KANK1: variants seen among roughly 807,000 people sequenced by gnomAD.
KANK1 encodes the protein KN motif and ankyrin repeat domains 1, also known as KN motif and ankyrin repeat domain-containing protein 1.
Under a neutral mutation model 106.2 loss-of-function variants are expected in KANK1, and 109 were observed. The observed-to-expected ratio is 1.03, with a 90% CI of 0.88 to 1.20. The LOEUF (loss-of-function observed/expected upper bound fraction) is 1.20, where lower values mean the gene tolerates loss of function less well. Ranked by LOEUF, KANK1 falls within the 50% of genes most tolerant of loss-of-function variation. KANK1 has a pLI of 0.00. For synonymous variants in KANK1, 873 were observed against 652.2 expected (o/e 1.34, Z -5.16); for missense variants, 2,399 against 1,710.7 (o/e 1.40, Z -7.10).
intron 1 of KANK1, among the ~76,000 whole-genome samples, chr9:650,270 C>T (rs1840593787): frequency 6.6e-6 from 1 of 151,858 alleles, no homozygotes; most frequent in Non-Finnish European, 1.5e-5. Context: ...CTTATTAGAG[C>T]CAAAGAATGT....
At chr9:548,860 C>T (rs1365428527) in intron 1 of KANK1, among the ~76,000 whole-genome samples, 1 of 152,118 alleles carries the variant, frequency 6.6e-6, no homozygotes, top group Non-Finnish European at 1.5e-5. Flanking sequence ...GGGAGGATTG[C>T]TTGAGTCCAG....
intron 1 of KANK1, among the ~76,000 whole-genome samples, chr9:577,574 A>G (rs1037012505): frequency 6.6e-6 from 1 of 152,210 alleles, no homozygotes; most frequent in African/African-American, 2.4e-5. Flanking sequence ...ACCTCTCAGT[A>G]TCATCTCCCA....
At chr9:671,757 G>A (rs1031810078) in intron 1 of KANK1, among the ~76,000 whole-genome samples, 1 of 151,948 alleles carries the variant, frequency 6.6e-6, no homozygotes, top group Non-Finnish European at 1.5e-5. Context: ...ATACCAGCCT[G>A]GCCAACATGG....
At chr9:597,933 G>C (rs1427452894) in intron 1 of KANK1, among the ~76,000 whole-genome samples, 1 of 151,690 alleles carries the variant, frequency 6.6e-6, no homozygotes, top group Non-Finnish European at 1.5e-5. Flanking sequence ...CCAAAATGCT[G>C]GGATTACAGG....
Position 605,814 on chromosome 9 carries a change from C to A in KANK1, c.-83-71076C>A, listed in dbSNP as rs192911406. Among the ~76,000 whole-genome samples, 18 of 151,728 alleles carry A rather than the reference C, an allele frequency of 1.2e-4. 1 individual carries two copies. Among genetic ancestry groups the A allele is most frequent in the Admixed American group, 9.8e-4 (15 of 15,278 alleles). On this transcript the variant is annotated intron_variant, in intron 1 of 11. Transcript: ENST00000382297. ...GGATTATGGGGAAATGAACAGAGAG[C>A]CACTGTGCCCAGATTTTATTATGGG... is the stretch of plus-strand genomic sequence containing the variant.
chr9:559,122 G>A (rs939253417), intron 1 of KANK1, among the ~76,000 whole-genome samples: 2 of 151,962 alleles, frequency 1.3e-5, no homozygotes, highest in African/African-American at 2.4e-5. Context: ...AGCCTTTTTG[G>A]GGGAGCTTGA....
At chr9:658,838 A>C (rs1842703098) in intron 1 of KANK1, among the ~76,000 whole-genome samples, 1 of 152,044 alleles carries the variant, frequency 6.6e-6, no homozygotes, top group Non-Finnish European at 1.5e-5. Flanking sequence ...TGTTCCTGGG[A>C]CCATTTTTAC....
intron 1 of KANK1, among the ~76,000 whole-genome samples, chr9:595,554 C>G (rs1826006555): frequency 1.3e-5 from 2 of 151,882 alleles, no homozygotes; most frequent in South Asian, 4.1e-4. Flanking sequence ...GAGACAGTGT[C>G]TCACTCTGTT....
At chr9:727,679 CATGTGT>C (rs1271023452) in intron 3 of KANK1, among the ~76,000 whole-genome samples, 20 of 121,836 alleles carry the variant, frequency 1.6e-4, no homozygotes, top group African/African-American at 3.9e-4. Context: ...GATAACTTTT[CATGTGT>C]GTGTGTGTGT....
intron 3 of KANK1, among the ~76,000 whole-genome samples, chr9:722,073 C>CAAGGAGTCCTCCAAGCTG (rs1564078522): frequency 1.3e-5 from 2 of 152,212 alleles, no homozygotes; most frequent in Non-Finnish European, 2.9e-5. Flanking sequence ...CTCCGTCTTA[C>CAAGGAGTCCTCCAAGCTG]TTCTGACCTC....
intron 1 of KANK1, among the ~76,000 whole-genome samples, chr9:614,965 T>C (rs1221229293): frequency 1.3e-5 from 2 of 151,966 alleles, no homozygotes; most frequent in Middle Eastern, 3.4e-3. Flanking sequence ...CCCCTGCCCT[T>C]TTTTTGAGAC....
chr9:680,687 C>T (rs1795416560), intron 2 of KANK1, among the ~76,000 whole-genome samples: 1 of 152,116 alleles, frequency 6.6e-6, no homozygotes, highest in South Asian at 2.1e-4. Context: ...CTCCTGTGTA[C>T]ACGGTTGCCA....
intron 1 of KANK1, among the ~76,000 whole-genome samples, chr9:526,686 C>T (rs2133371776): frequency 6.6e-6 from 1 of 151,956 alleles, no homozygotes; most frequent in African/African-American, 2.4e-5. Flanking sequence ...CTGCTTTTCC[C>T]ACCTGATTCC....
intron 3 of KANK1, among the ~76,000 whole-genome samples, chr9:723,593 C>T (rs557529191): frequency 6.6e-6 from 1 of 151,890 alleles, no homozygotes; most frequent in African/African-American, 2.4e-5. Context: ...TTCCATTGCA[C>T]TCTAGCCTGG....
chr9:582,930 C>G (rs1211866958), intron 1 of KANK1, among the ~76,000 whole-genome samples: 3 of 152,216 alleles, frequency 2.0e-5, no homozygotes, highest in African/African-American at 7.2e-5. Context: ...AAGTATCTGT[C>G]ATCAGATTAA....
At chr9:717,782 A>G (rs190169748) in intron 3 of KANK1, among the ~76,000 whole-genome samples, 1 of 152,252 alleles carries the variant, frequency 6.6e-6, no homozygotes, top group East Asian at 1.9e-4. Context: ...CTAGAGAGGG[A>G]AGAGGAGAGA....
At chr9:538,172 C>T (rs548254885) in intron 1 of KANK1, among the ~76,000 whole-genome samples, 5 of 134,462 alleles carry the variant, frequency 3.7e-5, no homozygotes, top group African/African-American at 1.6e-4. Context: ...CCTTCTTTCT[C>T]GTCTGTAAAA....
intron 1 of KANK1, among the ~76,000 whole-genome samples, chr9:617,268 C>G (rs562029360): frequency 2.0e-5 from 3 of 152,092 alleles, no homozygotes; most frequent in Non-Finnish European, 2.9e-5. Flanking sequence ...CAACTTCACT[C>G]GTTGCCTTCC....
At chr9:702,355 T>G (rs1005913269) in intron 2 of KANK1, among the ~76,000 whole-genome samples, 11 of 152,190 alleles carry the variant, frequency 7.2e-5, no homozygotes, top group Non-Finnish European at 1.6e-4. Flanking sequence ...GCTTCACTTC[T>G]GCCTTTAATT....
Sources: allele counts gnomAD v4.1 joint callset (sites outside exome capture counted in the v4.1 genomes callset), GRCh38; gene constraint gnomAD v4.1.1; transcripts MANE v1.5; gene names NCBI Gene and HGNC (gene_info 2026-07-23, HGNC 2026-07-21).